The following SGCZ variants were observed in gnomAD, a reference collection of about 807,000 sequenced individuals.
The protein encoded by SGCZ is sarcoglycan zeta, also known as zeta-sarcoglycan.
Under a neutral mutation model 41.3 loss-of-function variants are expected in SGCZ, and 40 were observed. The ratio of observed to expected loss-of-function variants is 0.97; its 90% CI spans 0.75 to 1.26. The LOEUF is 1.26. Among genes scored for constraint, SGCZ ranks in the 50% most tolerant of loss-of-function variants. SGCZ has a pLI of 0.00. For missense variants in SGCZ, 552 were observed against 369.8 expected (o/e 1.49, Z -4.04); for synonymous variants, 206 against 137.5 (o/e 1.50, Z -3.49).
At chr8:14,148,338 T>C (rs1433105178) in intron 5 of SGCZ, among the ~76,000 whole-genome samples, 1 of 151,108 alleles carries the variant, frequency 6.6e-6, no homozygotes, top group Non-Finnish European at 1.5e-5. Context: ...ATAAATAAAA[T>C]CAGAAACAAA....
intron 1 of SGCZ, among the ~76,000 whole-genome samples, chr8:14,920,271 A>C (rs1799552033): frequency 6.6e-6 from 1 of 152,178 alleles, no homozygotes; most frequent in African/African-American, 2.4e-5. Flanking sequence ...AAACTGAAGT[A>C]GTGCTATAAT....
chr8:14,680,181 G>C (rs1396269586), intron 1 of SGCZ, among the ~76,000 whole-genome samples: 2 of 152,138 alleles, frequency 1.3e-5, no homozygotes, highest in African/African-American at 4.8e-5. Flanking sequence ...TACAGTGGTT[G>C]CAAGAGGTGA....
intron 1 of SGCZ, among the ~76,000 whole-genome samples, chr8:14,995,936 C>T (rs1371880439): frequency 2.0e-5 from 3 of 152,012 alleles, no homozygotes; most frequent in African/African-American, 2.4e-5. Flanking sequence ...TGGAATCTTG[C>T]TCTGTTGTCC....
intron 2 of SGCZ, among the ~76,000 whole-genome samples, chr8:14,380,279 T>A (rs1393945777): frequency 6.6e-6 from 1 of 152,196 alleles, no homozygotes; most frequent in Non-Finnish European, 1.5e-5. Context: ...GATGTTTTCC[T>A]TTCTTTCATT....
intron 5 of SGCZ, among the ~76,000 whole-genome samples, chr8:14,115,648 T>C (rs1052357492): frequency 6.6e-6 from 1 of 152,036 alleles, no homozygotes; most frequent in African/African-American, 2.4e-5. Context: ...CTCACACTTA[T>C]TCTTATGAAC....
intron 1 of SGCZ, among the ~76,000 whole-genome samples, chr8:14,871,791 A>G (rs984519893): frequency 1.3e-5 from 2 of 151,678 alleles, no homozygotes; most frequent in Admixed American, 6.6e-5. Context: ...CAAGAGAGTG[A>G]GACTCTGTCT....
chr8:14,163,721 T>C (rs1256358382), intron 5 of SGCZ, among the ~76,000 whole-genome samples: 2 of 151,646 alleles, frequency 1.3e-5, no homozygotes, highest in African/African-American at 4.9e-5. Flanking sequence ...AAGAACAGAG[T>C]TGATGTTCTT....
intron 3 of SGCZ, among the ~76,000 whole-genome samples, chr8:14,300,068 T>C (rs939066955): frequency 6.6e-6 from 1 of 151,966 alleles, no homozygotes; most frequent in African/African-American, 2.4e-5. Flanking sequence ...GAATTGTAAT[T>C]GCTTGGGATT....
intron 1 of SGCZ, among the ~76,000 whole-genome samples, chr8:14,873,618 G>A (rs564295008): frequency 6.6e-6 from 1 of 152,202 alleles, no homozygotes; most frequent in South Asian, 2.1e-4. Flanking sequence ...CTCATCAGTA[G>A]AACAGAGTAT....
At chr8:15,100,814 CT>C (rs1241099254) in intron 1 of SGCZ, among the ~76,000 whole-genome samples, 1 of 152,054 alleles carries the variant, frequency 6.6e-6, no homozygotes, top group East Asian at 1.9e-4. Context: ...GAGACCCTGT[CT>C]CTACAATAAT....
At chr8:14,555,206 G>C (rs918832137) in intron 1 of SGCZ, among the ~76,000 whole-genome samples, 1 of 151,762 alleles carries the variant, frequency 6.6e-6, no homozygotes, top group African/African-American at 2.4e-5. Context: ...TTTTCCCTTG[G>C]GAGGCTCAGG....
intron 2 of SGCZ, among the ~76,000 whole-genome samples, chr8:14,508,404 T>G (rs183367801): frequency 1.1e-4 from 16 of 152,334 alleles, no homozygotes; most frequent in African/African-American, 3.4e-4. Flanking sequence ...TGCTGTCATT[T>G]TAACAGAGGT....
intron 2 of SGCZ, among the ~76,000 whole-genome samples, chr8:14,432,137 C>G (rs945032170): frequency 6.6e-6 from 1 of 152,122 alleles, no homozygotes; most frequent in African/African-American, 2.4e-5. Flanking sequence ...CTTTGAAGAA[C>G]TAAAAGTAGA....
At chr8:14,710,304 A>C (rs1809473527) in intron 1 of SGCZ, among the ~76,000 whole-genome samples, 1 of 146,558 alleles carries the variant, frequency 6.8e-6, no homozygotes, top group South Asian at 2.2e-4. Context: ...CGGCAGGCAG[A>C]GCTTGCAGTG....
chr8:14,156,214 A>G (rs1385379564), intron 5 of SGCZ, among the ~76,000 whole-genome samples: 1 of 152,172 alleles, frequency 6.6e-6, no homozygotes, highest in East Asian at 1.9e-4. Context: ...TGATGCCTGT[A>G]ATCCTGGCAC....
At chr8:14,517,993 A>C (rs2117092790) in intron 2 of SGCZ, among the ~76,000 whole-genome samples, 1 of 151,926 alleles carries the variant, frequency 6.6e-6, no homozygotes, top group South Asian at 2.1e-4. Context: ...GCATAAGTTT[A>C]TTGAACGTGT....
At chr8:14,897,588 AT>A (rs1012575570) in intron 1 of SGCZ, among the ~76,000 whole-genome samples, 1 of 152,314 alleles carries the variant, frequency 6.6e-6, no homozygotes, top group African/African-American at 2.4e-5. Flanking sequence ...TGCCTTTTCT[AT>A]TTTAAATGTG....
intron 1 of SGCZ, among the ~76,000 whole-genome samples, chr8:14,948,349 G>C (rs1800521988): frequency 6.6e-6 from 1 of 152,042 alleles, no homozygotes; most frequent in Non-Finnish European, 1.5e-5. Flanking sequence ...CACAACTCAG[G>C]AGGCCATCCA....
chr8:14,482,499 C>T (rs954447903), intron 2 of SGCZ, among the ~76,000 whole-genome samples: 10 of 152,090 alleles, frequency 6.6e-5, no homozygotes, highest in African/African-American at 1.9e-4. Flanking sequence ...GTTTTCTTAT[C>T]TGTTAACAAG....
Sources: gnomAD v4.1 joint callset for allele counts (sites outside exome capture counted in the v4.1 genomes callset) on GRCh38, gnomAD v4.1.1 for gene constraint, MANE v1.5 for transcripts, NCBI Gene and HGNC (gene_info 2026-07-23, HGNC 2026-07-21) for gene names.